The following PPP1R12B variants were observed in gnomAD, a reference collection of about 807,000 sequenced individuals.
PPP1R12B encodes the protein myosin phosphatase target subunit 2.
A neutral mutation model predicts 126.1 loss-of-function variants in PPP1R12B; 76 were observed. That is an observed-to-expected ratio of 0.60 (90% CI 0.50 to 0.73). The LOEUF (loss-of-function observed/expected upper bound fraction) is 0.73. Ranked by LOEUF, PPP1R12B falls within the 30% of genes least tolerant of loss-of-function variation. PPP1R12B has a pLI of 0.00. For synonymous variants in PPP1R12B, 356 were observed against 434.7 expected (o/e 0.82, Z 2.25); for missense variants, 1,052 against 1,205.1 (o/e 0.87, Z 1.88).
intron 18 of PPP1R12B, among the ~76,000 whole-genome samples, chr1:202,517,244 A>G (rs1192647017): frequency 1.3e-5 from 2 of 152,196 alleles, no homozygotes; most frequent in Non-Finnish European, 2.9e-5. Context: ...TCCCCTCCCA[A>G]ATTACAGCAG....
intron 1 of PPP1R12B, among the ~76,000 whole-genome samples, chr1:202,380,381 T>C (rs1385563734): frequency 6.6e-6 from 1 of 152,230 alleles, no homozygotes; most frequent in African/African-American, 2.4e-5. Context: ...ACCTAGAGTT[T>C]CCAGCCCAGG....
intron 1 of PPP1R12B, among the ~76,000 whole-genome samples, chr1:202,375,898 A>G (rs895391925): frequency 6.6e-6 from 1 of 152,184 alleles, no homozygotes; most frequent in African/African-American, 2.4e-5. Flanking sequence ...ATAGTCTTAT[A>G]GTTTAATTTG....
chr1:202,554,998 A>ATGGAATC (rs1686737237), intron 18 of PPP1R12B, among the ~76,000 whole-genome samples: 1 of 151,994 alleles, frequency 6.6e-6, no homozygotes, highest in Non-Finnish European at 1.5e-5. Context: ...CGAAAACCCT[A>ATGGAATC]TGGAATCTGC....
rs539226718 is a variant in PPP1R12B at position 202,363,253 on chromosome 1, A to G, written c.291+14111A>G. 2.0e-5 allele frequency among the ~76,000 whole-genome samples: 3 copies of G among 152,336 alleles called. No individual in the cohort carries two copies. The East Asian group carries it at 5.8e-4, about 29-fold the overall frequency. ...TACTGGGATACAAACATGGCATACA[A>G]CTGTGTCTTGCTCTCAGGCATCCCA... is the stretch of plus-strand genomic sequence containing the variant. On this transcript the variant is annotated intron_variant, in intron 1 of 23. Transcript: ENST00000608999.
chr1:202,368,055 C>T (rs1278055553), intron 1 of PPP1R12B, among the ~76,000 whole-genome samples: 29 of 151,868 alleles, frequency 1.9e-4, no homozygotes, highest in Non-Finnish European at 3.5e-4. Context: ...CTGCAACCTC[C>T]GCCTCCCAGG....
chr1:202,438,241 T>C (rs749398352), intron 10 of PPP1R12B: 59 of 1,578,858 alleles, frequency 3.7e-5, no homozygotes, highest in Non-Finnish European at 5.0e-5. Context: ...GCTTTAAAAA[T>C]AGCTTTTCCT....
chr1:202,438,693 G>T (rs544029484), intron 10 of PPP1R12B: 1 of 610,586 alleles, frequency 1.6e-6, no homozygotes, highest in South Asian at 1.7e-5. Flanking sequence ...GGTTCAAGCC[G>T]CCCAGTCAAG....
At chr1:202,462,859 C>T in intron 13 of PPP1R12B, 1 of 985,222 alleles carries the variant, frequency 1.0e-6, no homozygotes, top group Non-Finnish European at 1.2e-6. Flanking sequence ...AAGTGTGTGG[C>T]AAGGTGTGTC....
intron 12 of PPP1R12B, 86 bp from the exon 13 acceptor site, chr1:202,448,903 C>CT: frequency 7.1e-7 from 1 of 1,410,050 alleles, no homozygotes; most frequent in South Asian, 1.3e-5. Flanking sequence ...ATGAACCACT[C>CT]TTTAATCCTT....
intron 1 of PPP1R12B, among the ~76,000 whole-genome samples, chr1:202,377,349 C>G: frequency 6.7e-6 from 1 of 150,298 alleles, no homozygotes; most frequent in East Asian, 2.0e-4. Flanking sequence ...GTCGCCCAGG[C>G]TGGAGTTCAG....
chr1:202,372,447 T>C (rs1571654564), intron 1 of PPP1R12B, among the ~76,000 whole-genome samples: 1 of 149,894 alleles, frequency 6.7e-6, no homozygotes, highest in African/African-American at 2.5e-5. Flanking sequence ...GAGGCTGCAG[T>C]GAGCTGAGAT....
intron 23 of PPP1R12B, 27 bp downstream of exon 23, chr1:202,569,224 T>A (rs1318148617): frequency 6.2e-7 from 1 of 1,602,192 alleles, no homozygotes; most frequent in African/African-American, 1.3e-5. Context: ...TTTCTTTTTG[T>A]ATGCCTGTTC....
intron 18 of PPP1R12B, among the ~76,000 whole-genome samples, chr1:202,511,756 T>A (rs2148895645): frequency 6.6e-6 from 1 of 150,678 alleles, no homozygotes; most frequent in Non-Finnish European, 1.5e-5. Context: ...TATTCCATGA[T>A]GTATATATAC....
chr1:202,401,213 A>G (rs1665779578), intron 1 of PPP1R12B, among the ~76,000 whole-genome samples: 2 of 151,730 alleles, frequency 1.3e-5, no homozygotes, highest in East Asian at 3.9e-4. Flanking sequence ...TTTTAGAGAC[A>G]GGGTCAGGCT....
Position 202,406,085 on chromosome 1 carries a change from A to G in PPP1R12B, c.292-10702A>G, listed in dbSNP as rs551245416. On this transcript the variant is annotated intron_variant, in intron 1 of 23. Coordinates refer to ENST00000608999, the MANE Select transcript of PPP1R12B (RefSeq NM_002481.4). ...TCCCCAGGCTTACTTGACAGCTATG[A>G]AGCATTGCCCATGCCATAGCTTTCA... is the stretch of plus-strand genomic sequence containing the variant. 2.6e-4 allele frequency among the ~76,000 whole-genome samples: 40 copies of G among 152,320 alleles called. No individual in the cohort carries two copies. In the South Asian group the frequency reaches 3.7e-3, roughly 14 times the overall value.
chr1:202,378,247 C>CTTTTTTTTTTT (rs386369339), intron 1 of PPP1R12B, among the ~76,000 whole-genome samples: 1 of 93,386 alleles, frequency 1.1e-5, no homozygotes, highest in African/African-American at 4.2e-5. Context: ...TGTCTTCATT[C>CTTTTTTTTTTT]TTTTTTTTTT....
chr1:202,579,764 G>A (rs374477866), intron 23 of PPP1R12B, among the ~76,000 whole-genome samples: 19 of 152,126 alleles, frequency 1.2e-4, no homozygotes, highest in African/African-American at 3.9e-4. Context: ...GAGGCCTCTG[G>A]GTATCCTTTG....
Position 202,419,445 on chromosome 1 carries a change from T to C in PPP1R12B, c.422+2528T>C, listed in dbSNP as rs1668484691. ...AGGATTCTCAGAGATAAAGTAGAAATTACTTCATAGGTTGATATTTATTCT... is the reference window on the plus strand; with the variant it reads ...AGGATTCTCAGAGATAAAGTAGAAACTACTTCATAGGTTGATATTTATTCT... On this transcript the variant is annotated intron_variant, in intron 2 of 23. Transcript: ENST00000608999. This position sits in a 1 kb window ranked among gnomAD's most constrained non-coding sequence, Gnocchi z 4.6. Among the ~76,000 whole-genome samples, 1 of 152,184 alleles carries C rather than the reference T, an allele frequency of 6.6e-6. No individual in the cohort carries two copies. The highest frequency in any genetic ancestry group is 1.5e-5 in the Non-Finnish European group (1 of 68,010).
intron 18 of PPP1R12B, among the ~76,000 whole-genome samples, chr1:202,513,657 C>A (rs991931467): frequency 6.6e-6 from 1 of 152,192 alleles, no homozygotes; most frequent in Non-Finnish European, 1.5e-5. Flanking sequence ...TTCCCAACTT[C>A]TTTTCTTCCC....
Sources: gnomAD v4.1 joint callset for allele counts (sites outside exome capture counted in the v4.1 genomes callset) on GRCh38, gnomAD v4.1.1 for gene constraint, Gnocchi (gnomAD v3.1) non-coding constraint, MANE v1.5 for transcripts, NCBI Gene and HGNC (gene_info 2026-07-23, HGNC 2026-07-21) for gene names.